DNAJC6: variants seen among roughly 807,000 people sequenced by gnomAD.
The protein encoded by DNAJC6 is auxilin.
In DNAJC6, 34 loss-of-function variants were observed where a neutral mutation model predicts 110.0. The observed-to-expected ratio is 0.31, with a 90% confidence interval of 0.24 to 0.41. The LOEUF is 0.41. Ranked by LOEUF, DNAJC6 falls within the 10% of genes least tolerant of loss-of-function variation. The probability of loss-of-function intolerance (pLI) is 1.00; values close to 1 mark genes in which losing one functional copy is unlikely to be tolerated. For synonymous variants in DNAJC6, 406 were observed against 437.2 expected, an observed-to-expected ratio of 0.93 and a Z score of 0.89; for missense variants, 1,031 against 1,207.8, an observed-to-expected ratio of 0.85 and a Z score of 2.17.
chr1:65,359,969 CTG>C (rs1422626209), intron 1 of DNAJC6, among the ~76,000 whole-genome samples: 1 of 152,180 alleles, frequency 6.6e-6, no homozygotes, highest in Non-Finnish European at 1.5e-5. Flanking sequence ...ATTTCACAGA[CTG>C]TACAAAAACA....
intron 5 of DNAJC6, among the ~76,000 whole-genome samples, chr1:65,383,080 C>G (rs1645838907): frequency 6.6e-6 from 1 of 152,186 alleles, no homozygotes; most frequent in South Asian, 2.1e-4. Flanking sequence ...GTCAACTCAA[C>G]ATATTCAGTA....
At chr1:65,398,782 T>C in intron 13 of DNAJC6, 31 bp from the exon 14 acceptor site, 1 of 1,612,508 alleles carries the variant, frequency 6.2e-7, no homozygotes, top group Non-Finnish European at 8.5e-7. Context: ...AGCTCTCTTG[T>C]TCTCATTCTT....
chr1:65,379,317 C>T, intron 4 of DNAJC6, 85 bp from the exon 5 acceptor site: 1 of 1,539,936 alleles, frequency 6.5e-7, no homozygotes, highest in Non-Finnish European at 8.8e-7. Context: ...GGTATCACTT[C>T]CAGAAGATGT....
chr1:65,279,170 G>T (rs988068502), intron 1 of DNAJC6: 2 of 985,218 alleles, frequency 2.0e-6, no homozygotes, highest in Non-Finnish European at 2.4e-6. Flanking sequence ...GTGCTGTGTG[G>T]TTTAAATTTA....
chr1:65,333,694 C>G (rs1645309287), intron 1 of DNAJC6, among the ~76,000 whole-genome samples: 1 of 152,060 alleles, frequency 6.6e-6, no homozygotes, highest in Non-Finnish European at 1.5e-5. Context: ...ATGGATATTG[C>G]TTTAAATGTT....
At chr1:65,394,738 G>A (rs192968640) in intron 12 of DNAJC6, among the ~76,000 whole-genome samples, 160 bp from the exon 13 acceptor site, 100 of 152,256 alleles carry the variant, frequency 6.6e-4, no homozygotes, top group Non-Finnish European at 1.0e-4. Context: ...CAATGGTATC[G>A]ACTGTAGTTC....
At chr1:65,344,653 G>A (rs1402950290) in intron 1 of DNAJC6, among the ~76,000 whole-genome samples, 2 of 152,178 alleles carry the variant, frequency 1.3e-5, no homozygotes, top group Non-Finnish European at 2.9e-5. Flanking sequence ...GAGCCCTCAT[G>A]CCAAGATTGA....
chr1:65,267,562 T>A (rs1459986857), intron 1 of DNAJC6, among the ~76,000 whole-genome samples: 1 of 150,104 alleles, frequency 6.7e-6, no homozygotes, highest in African/African-American at 2.4e-5. Flanking sequence ...TCACATCGGT[T>A]TTTTTTTTTC....
In DNAJC6 at chr1:65,327,570, A is replaced by G. The variant is rs149276838; in HGVS notation, c.193+17632A>G. 1.5e-4 allele frequency among the ~76,000 whole-genome samples: 23 copies of G among 152,310 alleles called. No individual in the cohort carries two copies. The East Asian group carries it at 4.2e-3, about 28-fold the overall frequency. ...AATAGGCCATAATTTCCATAACTAT[A>G]AAATGATTTATGTGTGGGTGTATGT... On this transcript the variant is annotated intron_variant, in intron 1 of 18. Coordinates refer to ENST00000371069, the MANE Select transcript of DNAJC6 (RefSeq NM_001256864.2).
intron 14 of DNAJC6, among the ~76,000 whole-genome samples, chr1:65,400,229 C>T (rs537625575): frequency 1.7e-3 from 256 of 152,250 alleles, no homozygotes; most frequent in African/African-American, 5.8e-3. Flanking sequence ...ATGTATTTGT[C>T]GTGTACAATA....
At chr1:65,373,125 C>A (rs963282058) in intron 4 of DNAJC6, among the ~76,000 whole-genome samples, 1 of 152,118 alleles carries the variant, frequency 6.6e-6, no homozygotes, top group Non-Finnish European at 1.5e-5. Flanking sequence ...CATGTTGCTG[C>A]AAATGACAGG....
rs1249721860 is a variant in DNAJC6 at position 65,398,802 on chromosome 1, C to T, written c.2039-11C>T. 6.2e-7 allele frequency: 1 copy of T among 1,613,720 alleles called. No homozygotes were observed. Among genetic ancestry groups the T allele is most frequent in the Non-Finnish European group, 8.5e-7 (1 of 1,179,904 alleles). On this transcript the variant is annotated splice_polypyrimidine_tract_variant and intron_variant, in intron 13 of 18. Transcript: ENST00000371069. ...TCTTGTTCTCATTCTTTTTCTTTTC[C>T]CCATTTGCAGCTTCTAGTACGCCTG...
At chr1:65,281,195 G>A (rs552253351) in intron 1 of DNAJC6, among the ~76,000 whole-genome samples, 1 of 152,068 alleles carries the variant, frequency 6.6e-6, no homozygotes, top group African/African-American at 2.4e-5. Flanking sequence ...CCAAAGTGAC[G>A]GGATTACAAG....
intron 12 of DNAJC6, 125 bp downstream of exon 12, chr1:65,392,990 G>T: frequency 3.5e-6 from 3 of 851,918 alleles, no homozygotes; most frequent in Non-Finnish European, 4.9e-6. Context: ...CTTTAGAGGA[G>T]GTCTGTATCT....
At chr1:65,336,115 G>A (rs554285258) in intron 1 of DNAJC6, among the ~76,000 whole-genome samples, 1 of 152,252 alleles carries the variant, frequency 6.6e-6, no homozygotes, top group African/African-American at 2.4e-5. Context: ...AAGGAAAGAG[G>A]TTTAATTGAC....
intron 14 of DNAJC6, 146 bp from the exon 15 acceptor site, chr1:65,401,615 A>C: frequency 8.8e-7 from 1 of 1,136,812 alleles, no homozygotes; most frequent in Admixed American, 3.0e-5. Flanking sequence ...CAGGTCAGGG[A>C]AACAGGGTCT....
At chr1:65,282,376 A>G (rs546145612) in intron 1 of DNAJC6, among the ~76,000 whole-genome samples, 3 of 152,354 alleles carry the variant, frequency 2.0e-5, no homozygotes, top group African/African-American at 7.2e-5. Flanking sequence ...AGACTTTTAA[A>G]TAAAAGGCTC....
intron 1 of DNAJC6, chr1:65,345,795 T>C (rs1645431926): frequency 1.9e-6 from 1 of 528,764 alleles, no homozygotes; most frequent in Admixed American, 6.4e-5. Flanking sequence ...CCAGGTTGGC[T>C]ACCATGTCTG....
intron 13 of DNAJC6, among the ~76,000 whole-genome samples, chr1:65,398,326 A>G (rs12087420): frequency 0.18 from 27,666 of 152,076 alleles, 5,592 homozygotes; most frequent in East Asian, 0.58. Flanking sequence ...AGAGGAGAAA[A>G]CAAAATGTCA....
Sources: gnomAD v4.1 joint callset for allele counts (sites outside exome capture counted in the v4.1 genomes callset) on GRCh38, gnomAD v4.1.1 for gene constraint, MANE v1.5 for transcripts, NCBI Gene and HGNC (gene_info 2026-07-23, HGNC 2026-07-21) for gene names.